Variants in SLC6A2 observed in about 807,000 individuals in gnomAD.
The protein encoded by SLC6A2 is sodium-dependent noradrenaline transporter.
In SLC6A2, 26 loss-of-function variants were observed where a neutral mutation model predicts 71.7. The ratio of observed to expected loss-of-function variants is 0.36; its 90% CI spans 0.27 to 0.50. The LOEUF (loss-of-function observed/expected upper bound fraction) is 0.50. Ranked by LOEUF, SLC6A2 falls within the 20% of genes least tolerant of loss-of-function variation. SLC6A2 has a pLI of 0.96. For synonymous variants in SLC6A2, 363 were observed against 337.9 expected, an observed-to-expected ratio of 1.07 and a Z score of -0.82; for missense variants, 581 against 803.9, an observed-to-expected ratio of 0.72 and a Z score of 3.35.
intron 4 of SLC6A2, among the ~76,000 whole-genome samples, chr16:55,682,872 C>T (rs1019712048): frequency 6.6e-6 from 1 of 152,162 alleles, no homozygotes; most frequent in African/African-American, 2.4e-5. Flanking sequence ...CTTGAACCTC[C>T]CAACATGTGT....
chr16:55,660,653 G>A (rs541516621), intron 2 of SLC6A2, among the ~76,000 whole-genome samples: 1 of 151,662 alleles, frequency 6.6e-6, no homozygotes, highest in East Asian at 1.9e-4. Context: ...GTGATCTCGG[G>A]CATAGTACAG....
intron 2 of SLC6A2, among the ~76,000 whole-genome samples, chr16:55,667,691 G>C (rs1013653873): frequency 6.6e-6 from 1 of 152,246 alleles, no homozygotes; most frequent in Admixed American, 6.5e-5. Flanking sequence ...GCCTGGAGCA[G>C]TGGCTGTAGC....
At chr16:55,667,023 T>C (rs1964770213) in intron 2 of SLC6A2, among the ~76,000 whole-genome samples, 2 of 152,154 alleles carry the variant, frequency 1.3e-5, no homozygotes, top group African/African-American at 4.8e-5. Context: ...ATTTTTTTTT[T>C]TTGAGTCAGC....
intron 3 of SLC6A2, 57 bp from the exon 4 acceptor site, chr16:55,671,881 A>T (rs770060419): frequency 7.4e-6 from 12 of 1,611,514 alleles, no homozygotes; most frequent in Non-Finnish European, 1.0e-5. Context: ...ACCCAAGGAG[A>T]GGTGGCTGTG....
In SLC6A2 at chr16:55,697,922, C is replaced by T; in HGVS notation, c.1286C>T (p.Thr429Met). ...ATGGGAGGCATGGAGGCTGTCATCA[C>T]GGGCCTGGCAGATGACTTCCAGGTC... ...SSMGGMEAVI[T>M]GLADDFQVLK... The change falls in exon 10 of 15, where the codon ACG becomes ATG. Residue 429 changes from threonine to methionine, a missense_variant. Thr to Met is a moderately conservative substitution (Grantham distance 81). Coordinates refer to ENST00000568943, the MANE Select transcript of SLC6A2 (RefSeq NM_001172501.3). 6.2e-7 allele frequency: 1 copy of T among 1,614,120 alleles called. No homozygotes were observed. Among genetic ancestry groups the T allele is most frequent in the Non-Finnish European group, 8.5e-7 (1 of 1,179,994 alleles).
chr16:55,682,058 T>C (rs1173949571), intron 4 of SLC6A2, among the ~76,000 whole-genome samples: 1 of 152,120 alleles, frequency 6.6e-6, no homozygotes, highest in Admixed American at 6.5e-5. Flanking sequence ...AGGCATGCAC[T>C]ACCACACCCA....
chr16:55,661,711 C>T (rs1380814575), intron 2 of SLC6A2, among the ~76,000 whole-genome samples: 1 of 152,198 alleles, frequency 6.6e-6, no homozygotes, highest in Admixed American at 6.5e-5. Flanking sequence ...CATTTCCTAA[C>T]AGCCTAACCT....
At chr16:55,675,598 A>G (rs1177697979) in intron 4 of SLC6A2, among the ~76,000 whole-genome samples, 2 of 152,192 alleles carry the variant, frequency 1.3e-5, no homozygotes, top group Non-Finnish European at 2.9e-5. Context: ...CCGCCATGAT[A>G]GAAATGGTCT....
At chr16:55,696,981 T>TA (rs201686953) in intron 9 of SLC6A2, among the ~76,000 whole-genome samples, 3,283 of 152,268 alleles carry the variant, frequency 0.022, 113 homozygotes, top group African/African-American at 0.075. Flanking sequence ...ACCTGGTTTC[T>TA]AAAAAACACC....
chr16:55,684,534 A>G (rs564046076), intron 4 of SLC6A2, among the ~76,000 whole-genome samples: 3 of 152,332 alleles, frequency 2.0e-5, no homozygotes, highest in Non-Finnish European at 2.9e-5. Context: ...CTATTCCCCA[A>G]TAGGAGAAAT....
chr16:55,658,093 G>A (rs1043609739), intron 2 of SLC6A2, among the ~76,000 whole-genome samples: 1 of 152,158 alleles, frequency 6.6e-6, no homozygotes, highest in African/African-American at 2.4e-5. Flanking sequence ...AGGGAGGAAG[G>A]GCAAGAATTT....
intron 6 of SLC6A2, among the ~76,000 whole-genome samples, chr16:55,692,795 G>A (rs1056950443): frequency 6.6e-6 from 1 of 152,300 alleles, no homozygotes; most frequent in African/African-American, 2.4e-5. Flanking sequence ...ACAGGATGAA[G>A]AGGGATGCAT....
At chr16:55,669,725 T>C (rs1478557843) in intron 3 of SLC6A2, 29 bp downstream of exon 3, 2 of 1,613,710 alleles carry the variant, frequency 1.2e-6, no homozygotes, top group South Asian at 1.1e-5. Context: ...AAAGTCACGG[T>C]TGTTCATAAA....
chr16:55,678,242 T>A (rs1596978213), intron 4 of SLC6A2, among the ~76,000 whole-genome samples: 3 of 152,124 alleles, frequency 2.0e-5, no homozygotes, highest in Admixed American at 6.5e-5. Context: ...ACGCCGCCCT[T>A]GCCCTTTCTG....
At position 55,703,953 on chromosome 16, in the gene SLC6A2, G is replaced by A. The variant is rs963844265; in HGVS notation, c.*1607G>A. On this transcript the variant is annotated 3_prime_UTR_variant, in exon 15 of 15. Coordinates refer to ENST00000568943, the MANE Select transcript of SLC6A2 (RefSeq NM_001172501.3). The stretch of plus-strand genomic sequence containing the variant: ...CAGGTCATTCTATAGATAAAAGAGG[G>A]AAAATCAGGAGACTTTGAATCTTTC... Among the ~76,000 whole-genome samples, 6 of 152,046 alleles carry A rather than the reference G, an allele frequency of 3.9e-5. No homozygotes were observed. Among genetic ancestry groups the A allele is most frequent in the African/African-American group, 1.4e-4 (6 of 41,392 alleles).
chr16:55,703,754 G>A lies in SLC6A2; in HGVS notation c.*1408G>A. ...GGGAGCTCCTGTTGCGGGATCTTGG[G>A]AAAAAATAAAGAAGCCGCTGCATTC... is the stretch of plus-strand genomic sequence containing the variant. On this transcript the variant is annotated 3_prime_UTR_variant, in exon 15 of 15. Transcript: ENST00000568943. The A allele has an allele frequency of 1.0e-6, 1 of 985,330 alleles. No individual in the cohort carries two copies. Among genetic ancestry groups the A allele is most frequent in the Non-Finnish European group, 1.2e-6 (1 of 829,902 alleles). The allele number at this position is 985,330 out of a possible 1,614,324, so 61.0% of individuals were successfully genotyped here.
intron 2 of SLC6A2, among the ~76,000 whole-genome samples, chr16:55,660,853 T>C (rs1265039262): frequency 1.3e-5 from 2 of 152,222 alleles, no homozygotes; most frequent in Admixed American, 1.3e-4. Flanking sequence ...CAATTCTGAC[T>C]GTTCATGCTG....
chr16:55,659,702 C>A (rs1964558328), intron 2 of SLC6A2, among the ~76,000 whole-genome samples: 1 of 152,328 alleles, frequency 6.6e-6, no homozygotes, highest in South Asian at 2.1e-4. Flanking sequence ...CCTCAAAGAC[C>A]TCCAACCGTA....
rs747535290 is a variant in SLC6A2, at chr16:55,697,870, C to A, written c.1261-27C>A. The A allele has an allele frequency of 2.5e-6, 4 of 1,613,344 alleles. No individual in the cohort carries two copies. The South Asian group carries it at 4.4e-5, about 18-fold the overall frequency. On this transcript the variant is annotated intron_variant, in intron 9 of 14. Coordinates refer to ENST00000568943, the MANE Select transcript of SLC6A2 (RefSeq NM_001172501.3). ...AGGTCCAGGGAGACCCTAATTCCTGCACCCCACCCCTCCTGGTTCCCTCCA... is the reference window on the plus strand; with the variant it reads ...AGGTCCAGGGAGACCCTAATTCCTGAACCCCACCCCTCCTGGTTCCCTCCA...
Sources: gnomAD v4.1 joint callset for allele counts (sites outside exome capture counted in the v4.1 genomes callset) on GRCh38, gnomAD v4.1.1 for gene constraint, MANE v1.5 for transcripts, NCBI Gene and HGNC (gene_info 2026-07-23, HGNC 2026-07-21) for gene names.